CCSER1: variants seen among roughly 807,000 people sequenced by gnomAD.
CCSER1 encodes the protein coiled-coil serine rich protein 1.
Under a neutral mutation model 82.0 loss-of-function variants are expected in CCSER1, and 41 were observed. That is an observed-to-expected ratio of 0.50 (90% CI 0.39 to 0.65). The LOEUF (loss-of-function observed/expected upper bound fraction) is 0.65. Ranked by LOEUF, CCSER1 falls within the 30% of genes least tolerant of loss-of-function variation. The pLI, the probability that CCSER1 is intolerant of heterozygous loss-of-function variation, is 0.00. For missense variants in CCSER1, 1,119 were observed against 1,064.2 expected, an observed-to-expected ratio of 1.05 and a Z score of -0.72; for synonymous variants, 414 against 383.9, an observed-to-expected ratio of 1.08 and a Z score of -0.92.
At chr4:90,827,085 G>C (rs1384427311) in intron 8 of CCSER1, among the ~76,000 whole-genome samples, 1 of 152,190 alleles carries the variant, frequency 6.6e-6, no homozygotes, top group Non-Finnish European at 1.5e-5. Context: ...GCTCCTGAGA[G>C]CTGGAAAGTC....
intron 1 of CCSER1, among the ~76,000 whole-genome samples, chr4:90,154,042 C>T (rs1336222250): frequency 1.3e-5 from 2 of 152,138 alleles, no homozygotes; most frequent in Non-Finnish European, 2.9e-5. Flanking sequence ...TCCACCTTGA[C>T]TTAATTTTTG....
At chr4:91,476,392 G>A (rs1347987154) in intron 10 of CCSER1, among the ~76,000 whole-genome samples, 1 of 151,596 alleles carries the variant, frequency 6.6e-6, no homozygotes, top group Admixed American at 6.6e-5. Flanking sequence ...GATTAGTGAT[G>A]TTGAGCATTT....
intron 10 of CCSER1, among the ~76,000 whole-genome samples, chr4:91,204,317 C>T (rs1736162803): frequency 1.3e-5 from 2 of 151,764 alleles, no homozygotes; most frequent in South Asian, 4.1e-4. Context: ...GACCTTTTGG[C>T]TGACTTTTGA....
rs147996228 is a variant in CCSER1 at position 91,288,707 on chromosome 4, G to T, written c.2217+202713G>T. 3.0e-3 allele frequency among the ~76,000 whole-genome samples: 464 copies of T among 152,178 alleles called. 4 individuals carry two copies. The highest frequency in any genetic ancestry group is 0.011 in the African/African-American group (439 of 41,544). On this transcript the variant is annotated intron_variant, in intron 10 of 10. Transcript: ENST00000509176. Reference sequence around the variant, plus strand: ...ACAAAAGCCTAAAATGCAGGGGAAAGAGCAACAACACAGTCACTCTTAGGA... The same window carrying T: ...ACAAAAGCCTAAAATGCAGGGGAAATAGCAACAACACAGTCACTCTTAGGA...
intron 10 of CCSER1, among the ~76,000 whole-genome samples, chr4:91,523,751 G>T (rs945705238): frequency 6.6e-5 from 10 of 152,054 alleles, no homozygotes; most frequent in Admixed American, 3.9e-4. Flanking sequence ...GCGTCCATTT[G>T]ATTCTTCTCT....
intron 9 of CCSER1, among the ~76,000 whole-genome samples, chr4:90,944,558 G>GT (rs1447805852): frequency 1.3e-5 from 2 of 152,152 alleles, no homozygotes; most frequent in African/African-American, 4.8e-5. Context: ...TTTAGGAGAA[G>GT]TTTTTTGGAA....
At chr4:90,407,725 G>A (rs1265851664) in intron 4 of CCSER1, among the ~76,000 whole-genome samples, 1 of 152,184 alleles carries the variant, frequency 6.6e-6, no homozygotes, top group Non-Finnish European at 1.5e-5. Flanking sequence ...GAAGACGGGT[G>A]ATTTCTGCAT....
intron 10 of CCSER1, among the ~76,000 whole-genome samples, chr4:91,231,695 T>C (rs772647304): frequency 2.6e-5 from 4 of 151,958 alleles, no homozygotes; most frequent in African/African-American, 7.2e-5. Flanking sequence ...TAGTTATATA[T>C]ATAAAGTTAC....
chr4:91,551,267 C>T (rs1385672168), intron 10 of CCSER1, among the ~76,000 whole-genome samples: 3 of 152,004 alleles, frequency 2.0e-5, no homozygotes, highest in Admixed American at 6.6e-5. Flanking sequence ...TATAGTTTTG[C>T]TATACAGTGC....
intron 9 of CCSER1, among the ~76,000 whole-genome samples, chr4:90,958,818 T>A (rs1488105698): frequency 6.6e-6 from 1 of 152,132 alleles, no homozygotes; most frequent in Non-Finnish European, 1.5e-5. Context: ...AATAAATACT[T>A]GTTGTTTAAG....
intron 4 of CCSER1, among the ~76,000 whole-genome samples, chr4:90,424,159 G>A (rs1382724731): frequency 6.9e-6 from 1 of 145,232 alleles, no homozygotes; most frequent in Non-Finnish European, 1.5e-5. Flanking sequence ...TGTTAATAAG[G>A]TGTTTTAGCA....
intron 9 of CCSER1, among the ~76,000 whole-genome samples, chr4:91,044,537 G>T (rs1742275806): frequency 6.6e-6 from 1 of 152,120 alleles, no homozygotes; most frequent in African/African-American, 2.4e-5. Flanking sequence ...GCCTCATTTT[G>T]TGCAGACTGC....
chr4:90,164,530 G>A (rs1730095008), intron 1 of CCSER1, among the ~76,000 whole-genome samples: 1 of 152,042 alleles, frequency 6.6e-6, no homozygotes, highest in Admixed American at 6.6e-5. Context: ...ACAGATAGTA[G>A]ATTGAGTTAC....
At chr4:90,983,687 G>A (rs1468699386) in intron 9 of CCSER1, among the ~76,000 whole-genome samples, 1 of 151,696 alleles carries the variant, frequency 6.6e-6, no homozygotes, top group South Asian at 2.1e-4. Flanking sequence ...CCAAAGGGAA[G>A]GGAGTAGAAA....
chr4:91,218,997 G>T (rs1490353480), intron 10 of CCSER1, among the ~76,000 whole-genome samples: 8 of 152,098 alleles, frequency 5.3e-5, no homozygotes, highest in Admixed American at 5.2e-4. Flanking sequence ...CACAGAGAAA[G>T]ACAAAAGACA....
At chr4:91,120,700 G>A (rs1489760643) in intron 10 of CCSER1, among the ~76,000 whole-genome samples, 1 of 151,924 alleles carries the variant, frequency 6.6e-6, no homozygotes, top group Non-Finnish European at 1.5e-5. Context: ...GAGGGTAGTT[G>A]AATCCAGGAG....
intron 3 of CCSER1, among the ~76,000 whole-genome samples, chr4:90,371,183 G>A (rs894761847): frequency 6.7e-6 from 1 of 149,600 alleles, no homozygotes; most frequent in Non-Finnish European, 1.5e-5. Context: ...GATAGTGGAA[G>A]CAAATGAATC....
intron 7 of CCSER1, among the ~76,000 whole-genome samples, chr4:90,729,988 C>T (rs1046485173): frequency 2.6e-5 from 4 of 152,180 alleles, no homozygotes; most frequent in African/African-American, 7.2e-5. Context: ...ACCACAGTAA[C>T]GTAACCTGGT....
At chr4:90,420,276 C>T (rs1408933589) in intron 4 of CCSER1, among the ~76,000 whole-genome samples, 1 of 151,948 alleles carries the variant, frequency 6.6e-6, no homozygotes, top group African/African-American at 2.4e-5. Flanking sequence ...TAGTAACATT[C>T]ACCTGGGTGC....
Sources: gnomAD v4.1 joint callset for allele counts (sites outside exome capture counted in the v4.1 genomes callset) on GRCh38, gnomAD v4.1.1 for gene constraint, MANE v1.5 for transcripts, NCBI Gene and HGNC (gene_info 2026-07-23, HGNC 2026-07-21) for gene names.